CFAP97D2: variants seen among roughly 807,000 people sequenced by gnomAD.
The protein encoded by CFAP97D2 is uncharacterized protein CFAP97D2.
intron 3 of CFAP97D2, among the ~76,000 whole-genome samples, chr13:114,209,753 T>A (rs1403836123): frequency 6.6e-6 from 1 of 152,256 alleles, no homozygotes; most frequent in South Asian, 2.1e-4. Flanking sequence ...TGTGTTGACC[T>A]GTCTACTGTC....
At chr13:114,183,659 A>T (rs2138748851) in intron 1 of CFAP97D2, among the ~76,000 whole-genome samples, 1 of 152,202 alleles carries the variant, frequency 6.6e-6, no homozygotes, top group Non-Finnish European at 1.5e-5. Flanking sequence ...ACATGGCATA[A>T]GAGATGGAAG....
At chr13:114,220,447 G>A (rs897206626) in intron 4 of CFAP97D2, among the ~76,000 whole-genome samples, 2 of 152,036 alleles carry the variant, frequency 1.3e-5, no homozygotes, top group Non-Finnish European at 2.9e-5. Context: ...ATATTAACTC[G>A]CAAAATTTCT....
intron 1 of CFAP97D2, among the ~76,000 whole-genome samples, chr13:114,182,172 C>CCT (rs370205068): frequency 8.1e-6 from 1 of 123,516 alleles, no homozygotes; most frequent in Non-Finnish European, 1.8e-5. Flanking sequence ...CAGCAAAAAA[C>CCT]GTGAGCAAAA....
intron 2 of CFAP97D2, 138 bp from the exon 3 acceptor site, chr13:114,200,187 G>A (rs1027403017): frequency 7.6e-6 from 3 of 392,758 alleles, no homozygotes; most frequent in African/African-American, 2.1e-5. Flanking sequence ...TTCGGTCCCC[G>A]CTGAGGCGTG....
intron 2 of CFAP97D2, among the ~76,000 whole-genome samples, chr13:114,198,095 C>A (rs1199410926): frequency 6.6e-6 from 1 of 152,162 alleles, no homozygotes; most frequent in Non-Finnish European, 1.5e-5. Flanking sequence ...TCAAGCGATT[C>A]CCCTGCCTCA....
At chr13:114,184,008 G>A (rs932944953) in intron 1 of CFAP97D2, among the ~76,000 whole-genome samples, 1 of 152,158 alleles carries the variant, frequency 6.6e-6, no homozygotes, top group Non-Finnish European at 1.5e-5. Context: ...AACGTTAGCT[G>A]GGCATGGTAG....
chr13:114,193,624 C>T (rs1219031052), intron 1 of CFAP97D2, among the ~76,000 whole-genome samples: 3 of 152,222 alleles, frequency 2.0e-5, no homozygotes, highest in African/African-American at 7.2e-5. Flanking sequence ...CCTTCTAACA[C>T]TGTTGCAGTG....
intron 2 of CFAP97D2, among the ~76,000 whole-genome samples, chr13:114,198,362 C>T (rs7327799): frequency 0.53 from 80,720 of 152,094 alleles, 21,927 homozygotes; most frequent in African/African-American, 0.66. Flanking sequence ...TAACCAGTCT[C>T]CAGCATATCT....
rs892372923 is a variant in CFAP97D2 at position 114,179,761 on chromosome 13, G to A, written c.90+341G>A. On this transcript the variant is annotated intron_variant, in intron 1 of 4. Coordinates refer to ENST00000646158, the Ensembl canonical transcript of CFAP97D2. This position sits in a 1 kb window ranked among gnomAD's most constrained non-coding sequence, Gnocchi z 4.8. Reference sequence around the variant, plus strand: ...GCATCTTAAGACAAAAACACCAGAAGCATCCTTTTCTTTTTCTTTCTTTTT... The same window carrying A: ...GCATCTTAAGACAAAAACACCAGAAACATCCTTTTCTTTTTCTTTCTTTTT... Among the ~76,000 whole-genome samples, 2 of 152,064 alleles carry A rather than the reference G, an allele frequency of 1.3e-5. No individual in the cohort carries two copies. Among genetic ancestry groups the A allele is most frequent in the East Asian group, 3.8e-4 (2 of 5,196 alleles).
At chr13:114,206,511 G>C (rs768156699) in intron 3 of CFAP97D2, among the ~76,000 whole-genome samples, 1 of 152,298 alleles carries the variant, frequency 6.6e-6, no homozygotes, top group Admixed American at 6.5e-5. Flanking sequence ...ATGGAATAAA[G>C]TATTGACACG....
rs1368888550 is a variant in CFAP97D2, at chr13:114,218,898, A to G, written c.481-3600A>G. Among the ~76,000 whole-genome samples, 5 of 152,358 alleles carry G rather than the reference A, an allele frequency of 3.3e-5. No homozygotes were observed. The East Asian group carries it at 7.7e-4, about 23-fold the overall frequency. Reference sequence around the variant, plus strand: ...AATTCAAGATGGATTGAAGACTTAAATGTAAGACCTAAAACCATAAAAAGC... The same window carrying G: ...AATTCAAGATGGATTGAAGACTTAAGTGTAAGACCTAAAACCATAAAAAGC... On this transcript the variant is annotated intron_variant, in intron 4 of 4. Coordinates refer to ENST00000646158, the Ensembl canonical transcript of CFAP97D2.
At chr13:114,184,546 C>T (rs1051302817) in intron 1 of CFAP97D2, among the ~76,000 whole-genome samples, 8 of 152,218 alleles carry the variant, frequency 5.3e-5, no homozygotes, top group Admixed American at 1.3e-4. Flanking sequence ...CTCACCTCCT[C>T]CAGCCGGTAA....
chr13:114,199,516 C>A (rs2080905367), intron 2 of CFAP97D2, among the ~76,000 whole-genome samples: 1 of 23,092 alleles, frequency 4.3e-5, no homozygotes, highest in Non-Finnish European at 6.6e-5. Context: ...CCCGTGGGTA[C>A]GGTCCCCACT....
intron 1 of CFAP97D2, among the ~76,000 whole-genome samples, chr13:114,190,123 C>T (rs1000261961): frequency 6.6e-6 from 1 of 151,782 alleles, no homozygotes; most frequent in Non-Finnish European, 1.5e-5. Flanking sequence ...ACCTGGAAGA[C>T]AGAGGGAGGC....
chr13:114,181,813 G>C, intron 1 of CFAP97D2, among the ~76,000 whole-genome samples: 1 of 152,032 alleles, frequency 6.6e-6, no homozygotes, highest in Admixed American at 6.5e-5. Context: ...TAGAATAGGG[G>C]CCTCATCCTC....
rs1203015673 is a variant in CFAP97D2 at position 114,203,653 on chromosome 13, C to T, written c.290+3210C>T. On this transcript the variant is annotated intron_variant, in intron 3 of 4. Coordinates refer to ENST00000646158, the Ensembl canonical transcript of CFAP97D2. The surrounding 1 kb of genome is among the most constrained non-coding windows in gnomAD (Gnocchi z 4.3). ...AAACTCAGCAAAGTGAGATGGAGTC[C>T]TGCTAACAGGCTCCCACCTCACAAA... 6.6e-6 allele frequency among the ~76,000 whole-genome samples: 1 copy of T among 152,136 alleles called. No individual in the cohort carries two copies. The highest frequency in any genetic ancestry group is 1.5e-5 in the Non-Finnish European group (1 of 68,002).
chr13:114,212,406 G>C (rs1450379171), intron 4 of CFAP97D2, among the ~76,000 whole-genome samples: 1 of 152,180 alleles, frequency 6.6e-6, no homozygotes, highest in Non-Finnish European at 1.5e-5. Flanking sequence ...CAGATAGTAT[G>C]CATACAACAT....
rs2080855499 is a variant in CFAP97D2, at chr13:114,187,228, G to A, written c.90+7808G>A. 6.6e-6 allele frequency among the ~76,000 whole-genome samples: 1 copy of A among 151,954 alleles called. No homozygotes were observed. Among genetic ancestry groups the A allele is most frequent in the South Asian group, 2.1e-4 (1 of 4,820 alleles). On this transcript the variant is annotated intron_variant, in intron 1 of 4. Transcript: ENST00000646158. This position sits in a 1 kb window ranked among gnomAD's most constrained non-coding sequence, Gnocchi z 4.2. The stretch of plus-strand genomic sequence containing the variant: ...GAGAGAAAATGGAATCATATAAAAT[G>A]CTCAATTAAAACCACAAAAGGCAGA...
At chr13:114,220,888 C>T (rs77052239) in intron 4 of CFAP97D2, among the ~76,000 whole-genome samples, 1 of 152,352 alleles carries the variant, frequency 6.6e-6, no homozygotes, top group East Asian at 1.9e-4. Flanking sequence ...AAAGATGGGA[C>T]AGGAACCACC....
Sources: gnomAD v4.1 joint callset for allele counts (sites outside exome capture counted in the v4.1 genomes callset) on GRCh38, gnomAD v4.1.1 for gene constraint, Gnocchi (gnomAD v3.1) non-coding constraint, MANE v1.5 for transcripts, NCBI Gene and HGNC (gene_info 2026-07-23, HGNC 2026-07-21) for gene names.